Variants in VRK1 observed in about 807,000 individuals in gnomAD.
VRK1 encodes serine/threonine-protein kinase VRK1.
Under a neutral mutation model 57.1 loss-of-function variants are expected in VRK1, and 33 were observed. The ratio of observed to expected loss-of-function variants is 0.58; its 90% CI spans 0.44 to 0.77. The LOEUF (loss-of-function observed/expected upper bound fraction) is 0.77, where lower values mean the gene tolerates loss of function less well. Ranked by LOEUF, VRK1 falls within the 30% of genes least tolerant of loss-of-function variation. The pLI is 0.00. For missense variants in VRK1, 413 were observed against 477.3 expected (o/e 0.87, Z 1.25); for synonymous variants, 137 against 147.8 (o/e 0.93, Z 0.53).
At position 96,855,250 on chromosome 14, in the gene VRK1, T is replaced by C. The variant is rs1157448476; in HGVS notation, c.603T>C (p.Ala201=). 4 of 1,614,086 alleles carry C rather than the reference T, an allele frequency of 2.5e-6. No individual in the cohort carries two copies. Among genetic ancestry groups the C allele is most frequent in the Non-Finnish European group, 3.4e-6 (4 of 1,179,964 alleles). Reference sequence around the variant, plus strand: ...TGTACTTGGTAGATTATGGCCTTGCTTATCGGTACTGCCCAGAAGGAGTTC... The same window carrying C: ...TGTACTTGGTAGATTATGGCCTTGCCTATCGGTACTGCCCAGAAGGAGTTC... ...DQVYLVDYGL[A]YRYCPEGVHK... Residue 201 remains alanine (A), a synonymous_variant, in exon 8 of 13, where the codon GCT becomes GCC. Coordinates refer to ENST00000216639, the MANE Select transcript of VRK1 (RefSeq NM_003384.3).
chr14:96,807,354 C>T (rs1446783397), intron 1 of VRK1, among the ~76,000 whole-genome samples: 2 of 152,222 alleles, frequency 1.3e-5, no homozygotes, highest in Non-Finnish European at 2.9e-5. Flanking sequence ...AAATAGTCAT[C>T]AAGTATTCTC....
chr14:96,859,651 A>G (rs1178255212), intron 10 of VRK1, among the ~76,000 whole-genome samples: 1 of 152,124 alleles, frequency 6.6e-6, no homozygotes, highest in Non-Finnish European at 1.5e-5. Context: ...GTGTGTATAT[A>G]TGCACACGCT....
chr14:96,844,266 A>G (rs1316921624), intron 3 of VRK1, among the ~76,000 whole-genome samples: 1 of 152,188 alleles, frequency 6.6e-6, no homozygotes, highest in Non-Finnish European at 1.5e-5. Context: ...GCCATAGGTT[A>G]TAGAGGAACT....
chr14:96,873,613 A>AT (rs1436920488), intron 11 of VRK1, among the ~76,000 whole-genome samples: 2 of 152,184 alleles, frequency 1.3e-5, no homozygotes, highest in African/African-American at 4.8e-5. Context: ...TTGTGAAGAC[A>AT]TTTTTCTGTT....
intron 12 of VRK1, among the ~76,000 whole-genome samples, chr14:96,877,921 T>TA (rs1889108976): frequency 6.6e-6 from 1 of 152,186 alleles, no homozygotes; most frequent in African/African-American, 2.4e-5. Context: ...CATGAGAAAA[T>TA]ATATCAGTAT....
intron 1 of VRK1, among the ~76,000 whole-genome samples, chr14:96,830,503 C>G (rs969635171): frequency 1.2e-4 from 18 of 151,590 alleles, no homozygotes; most frequent in Admixed American, 5.9e-4. Context: ...TTCAATTATT[C>G]TGTCATCTGA....
chr14:96,872,240 CAT>C (rs765096075), intron 11 of VRK1, among the ~76,000 whole-genome samples: 4 of 152,288 alleles, frequency 2.6e-5, no homozygotes, highest in Admixed American at 6.5e-5. Flanking sequence ...TTTCTTAAAA[CAT>C]ATATGTAATT....
At chr14:96,820,495 G>T (rs150924806) in intron 1 of VRK1, among the ~76,000 whole-genome samples, 1 of 152,132 alleles carries the variant, frequency 6.6e-6, no homozygotes, top group African/African-American at 2.4e-5. Flanking sequence ...CTGTATGTTC[G>T]TTAGCAGTTC....
At chr14:96,813,520 G>T (rs189905996) in intron 1 of VRK1, among the ~76,000 whole-genome samples, 264 of 151,920 alleles carry the variant, frequency 1.7e-3, no homozygotes, top group Non-Finnish European at 3.4e-3. Flanking sequence ...CTGAATTTGT[G>T]TTAGTATATT....
At chr14:96,799,011 C>G (rs1329476189) in intron 1 of VRK1, among the ~76,000 whole-genome samples, 1 of 152,164 alleles carries the variant, frequency 6.6e-6, no homozygotes, top group Non-Finnish European at 1.5e-5. Flanking sequence ...TAACAATAAA[C>G]TTGTGTTAGG....
At position 96,808,984 on chromosome 14, in the gene VRK1, G is replaced by A. The variant is rs1886043126; in HGVS notation, c.-6+11537G>A. On this transcript the variant is annotated intron_variant, in intron 1 of 12. Transcript: ENST00000216639. ...TCCTGTATGGTACCTTGACTAGAAC[G>A]TCTAGAAGACTGGGATCATCTGATA... 3.9e-5 allele frequency among the ~76,000 whole-genome samples: 6 copies of A among 152,256 alleles called. 1 individual carries two copies. The highest frequency in any genetic ancestry group is 2.9e-5 in the Non-Finnish European group (2 of 68,024).
intron 11 of VRK1, among the ~76,000 whole-genome samples, chr14:96,862,764 A>T (rs1461613492): frequency 6.6e-6 from 1 of 152,124 alleles, no homozygotes; most frequent in Non-Finnish European, 1.5e-5. Context: ...TCTGGATGTC[A>T]GGAGGCTCAA....
At chr14:96,846,018 G>A in intron 3 of VRK1, 77 bp from the exon 4 acceptor site, 1 of 1,276,600 alleles carries the variant, frequency 7.8e-7, no homozygotes, top group South Asian at 1.2e-5. Context: ...AGATTTGTTG[G>A]TCTTTTTTGA....
At chr14:96,880,961 G>A (rs772809120) in intron 12 of VRK1, among the ~76,000 whole-genome samples, 10 of 152,106 alleles carry the variant, frequency 6.6e-5, no homozygotes, top group East Asian at 1.9e-4. Flanking sequence ...GGTTTTGTCA[G>A]CATATTTTTT....
chr14:96,860,427 A>G, intron 10 of VRK1, 130 bp from the exon 11 acceptor site: 1 of 837,848 alleles, frequency 1.2e-6, no homozygotes, highest in Non-Finnish European at 1.8e-6. Flanking sequence ...CATTGAAGTG[A>G]TTGAAAAAAA....
chr14:96,841,223 G>T (rs1887447992), intron 3 of VRK1, among the ~76,000 whole-genome samples: 1 of 152,086 alleles, frequency 6.6e-6, no homozygotes, highest in African/African-American at 2.4e-5. Flanking sequence ...AAATATTTCT[G>T]TTGTTCTTCT....
chr14:96,809,787 G>A (rs75417496), intron 1 of VRK1, among the ~76,000 whole-genome samples: 1 of 151,976 alleles, frequency 6.6e-6, no homozygotes, highest in East Asian at 1.9e-4. Context: ...TGGCCAGACT[G>A]GACTCCAACT....
chr14:96,802,755 C>G (rs1413164697), intron 1 of VRK1, among the ~76,000 whole-genome samples: 1 of 152,186 alleles, frequency 6.6e-6, no homozygotes, highest in Non-Finnish European at 1.5e-5. Context: ...GTGTCACTTT[C>G]CTGCTTTTGA....
intron 12 of VRK1, 66 bp downstream of exon 12, chr14:96,876,186 A>T: frequency 6.9e-7 from 1 of 1,459,792 alleles, no homozygotes; most frequent in Non-Finnish European, 9.6e-7. Context: ...CTCCCATTAG[A>T]TGAGGGGTCA....
Sources: allele counts gnomAD v4.1 joint callset (sites outside exome capture counted in the v4.1 genomes callset), GRCh38; gene constraint gnomAD v4.1.1; transcripts MANE v1.5; gene names NCBI Gene and HGNC (gene_info 2026-07-23, HGNC 2026-07-21).